The following CFTR variants were observed in gnomAD, a reference collection of about 807,000 sequenced individuals.
CFTR encodes CF transmembrane conductance regulator.
In CFTR, 181 loss-of-function variants were observed where a neutral mutation model predicts 171.6. The ratio of observed to expected loss-of-function variants is 1.05; its 90% CI spans 0.93 to 1.19. CFTR has a LOEUF of 1.19. Among genes scored for constraint, CFTR ranks in the 50% most tolerant of loss-of-function variants. The probability of loss-of-function intolerance (pLI) is 0.00; values close to 1 mark genes in which losing one functional copy is unlikely to be tolerated. For synonymous variants in CFTR, 583 were observed against 608.0 expected, an observed-to-expected ratio of 0.96 and a Z score of 0.60; for missense variants, 1,968 against 1,734.7, an observed-to-expected ratio of 1.13 and a Z score of -2.39.
intron 23 of CFTR, among the ~76,000 whole-genome samples, chr7:117,642,843 G>T (rs576835818): frequency 1.3e-5 from 2 of 152,234 alleles, no homozygotes; most frequent in African/African-American, 2.4e-5. Flanking sequence ...TACAGTGGGA[G>T]CCTTGGGCTT....
chr7:117,555,181 A>G (rs1799332182), intron 10 of CFTR, among the ~76,000 whole-genome samples: 1 of 152,172 alleles, frequency 6.6e-6, no homozygotes, highest in Non-Finnish European at 1.5e-5. Context: ...ATATATGTAG[A>G]CACTAGCCTA....
chr7:117,557,722 T>G (rs917239776), intron 10 of CFTR, among the ~76,000 whole-genome samples: 2 of 152,174 alleles, frequency 1.3e-5, no homozygotes, highest in Non-Finnish European at 1.5e-5. Flanking sequence ...AGTTCCATTT[T>G]CAACCTTTAT....
chr7:117,538,132 C>T (rs1052379940), intron 7 of CFTR, among the ~76,000 whole-genome samples: 1 of 152,092 alleles, frequency 6.6e-6, no homozygotes, highest in Non-Finnish European at 1.5e-5. Context: ...AATTGTCACT[C>T]GAAAAGGCTA....
intron 7 of CFTR, 122 bp downstream of exon 7, chr7:117,536,795 T>A: frequency 1.2e-6 from 1 of 857,240 alleles, no homozygotes; most frequent in Non-Finnish European, 1.8e-6. Flanking sequence ...TGATTGCATT[T>A]AAGTTCTGTC....
chr7:117,573,016 T>C (rs1179546317), intron 11 of CFTR, among the ~76,000 whole-genome samples: 1 of 151,786 alleles, frequency 6.6e-6, no homozygotes, highest in African/African-American at 2.4e-5. Context: ...ACAGGACCAT[T>C]AAATGTAACA....
intron 15 of CFTR, among the ~76,000 whole-genome samples, chr7:117,601,145 G>T (rs917479037): frequency 6.6e-6 from 1 of 151,976 alleles, no homozygotes; most frequent in Admixed American, 6.6e-5. Flanking sequence ...AAGAGGAAAT[G>T]TAATAACAAA....
chr7:117,603,481 T>C (rs752703048), intron 16 of CFTR, 51 bp from the exon 17 acceptor site: 1 of 1,610,012 alleles, frequency 6.2e-7, no homozygotes, highest in Admixed American at 1.7e-5. Context: ...GTATTGGAAA[T>C]TCAGTAAGTA....
At chr7:117,625,710 G>T (rs1046555466) in intron 21 of CFTR, among the ~76,000 whole-genome samples, 1 of 152,074 alleles carries the variant, frequency 6.6e-6, no homozygotes, top group African/African-American at 2.4e-5. Context: ...TCAAGAGAGG[G>T]ATACTATTCT....
At chr7:117,515,250 C>T (rs553715705) in intron 3 of CFTR, among the ~76,000 whole-genome samples, 4 of 152,168 alleles carry the variant, frequency 2.6e-5, no homozygotes, top group South Asian at 2.1e-4. Context: ...AATGGTATTG[C>T]GTAGGTTTTC....
At chr7:117,644,136 C>G (rs1457067962) in intron 23 of CFTR, among the ~76,000 whole-genome samples, 3 of 151,566 alleles carry the variant, frequency 2.0e-5, no homozygotes, top group Non-Finnish European at 4.4e-5. Flanking sequence ...TTCAGAGATT[C>G]CTTCAGAAAT....
intron 21 of CFTR, among the ~76,000 whole-genome samples, chr7:117,625,369 A>T (rs1419953075): frequency 6.6e-6 from 1 of 152,182 alleles, no homozygotes. Flanking sequence ...GGTGAGCTTC[A>T]CTAATGGAGA....
At chr7:117,522,377 T>C (rs1366040797) in intron 3 of CFTR, among the ~76,000 whole-genome samples, 3 of 152,204 alleles carry the variant, frequency 2.0e-5, no homozygotes, top group South Asian at 2.1e-4. Flanking sequence ...TGAGGAAAAC[T>C]GTCCAGAGCG....
In CFTR at chr7:117,507,313, C is replaced by T. The variant is rs548135849; in HGVS notation, c.165-1721C>T. 5.3e-5 allele frequency among the ~76,000 whole-genome samples: 8 copies of T among 152,320 alleles called. No individual in the cohort carries two copies. In the South Asian group the frequency reaches 1.2e-3, roughly 24 times the overall value. On this transcript the variant is annotated intron_variant, in intron 2 of 26. Transcript: ENST00000003084. The stretch of plus-strand genomic sequence containing the variant: ...TTCATAGCTAACATTCTCTGCTCTC[C>T]TGGTCTCTCTACTTCACTTTCATTT...
In CFTR at chr7:117,596,715, A is replaced by G. The variant is rs1009802999; in HGVS notation, c.2619+1657A>G. Among the ~76,000 whole-genome samples the G allele has an allele frequency of 3.9e-5, 6 of 152,274 alleles. No homozygotes were observed. The East Asian group carries it at 1.2e-3, about 29-fold the overall frequency. ...TAGCTCAGGGTTTGTGAATGCACCA[A>G]TCAGCACTCTGTATCTAGTTAATCT... is the stretch of plus-strand genomic sequence containing the variant. On this transcript the variant is annotated intron_variant, in intron 15 of 26. Transcript: ENST00000003084.
At position 117,611,717 on chromosome 7, in the gene CFTR, C is replaced by A. The variant is rs121908761; in HGVS notation, c.3276C>A (p.Tyr1092Ter). The change falls in exon 20 of 27, where the codon TAC (tyrosine) becomes TAA (stop). Residue 1092 changes from tyrosine (Y) to a stop codon, truncating the protein, a stop_gained. Transcript: ENST00000003084. LOFTEE classifies it high-confidence loss of function. Reference protein sequence around the residue: ...LNLHTANWFLYLSTLRWFQMR... With the variant: ...LNLHTANWFL The stretch of plus-strand genomic sequence containing the variant: ...TACATACTGCCAACTGGTTCTTGTA[C>A]CTGTCAACACTGCGCTGGTTCCAAA... 19 of 1,613,390 alleles carry A rather than the reference C, an allele frequency of 1.2e-5. No homozygotes were observed. Among genetic ancestry groups the A allele is most frequent in the Non-Finnish European group, 1.4e-5 (17 of 1,179,708 alleles).
At chr7:117,586,234 G>A (rs1371967819) in intron 11 of CFTR, 1 of 152,126 alleles carries the variant, frequency 6.6e-6, no homozygotes, top group Admixed American at 6.6e-5. Flanking sequence ...ATTTAGGCCA[G>A]GTAGAAAGAA....
intron 1 of CFTR, among the ~76,000 whole-genome samples, chr7:117,481,842 A>G (rs1798005183): frequency 1.3e-5 from 2 of 152,346 alleles, no homozygotes; most frequent in African/African-American, 2.4e-5. Context: ...TCAAAGTGGT[A>G]GGCTTTGGAG....
chr7:117,500,212 G>GT (rs770224343), intron 1 of CFTR, among the ~76,000 whole-genome samples: 6 of 146,572 alleles, frequency 4.1e-5, no homozygotes, highest in Non-Finnish European at 7.5e-5. Flanking sequence ...GTTTTTTTTT[G>GT]TATTTCTAAG....
chr7:117,501,901 G>T (rs1430230230), intron 1 of CFTR, among the ~76,000 whole-genome samples: 1 of 151,370 alleles, frequency 6.6e-6, no homozygotes, highest in Non-Finnish European at 1.5e-5. Flanking sequence ...TTGAAAGGTG[G>T]ACTATATTCT....
Sources: allele counts gnomAD v4.1 joint callset (sites outside exome capture counted in the v4.1 genomes callset), GRCh38; gene constraint gnomAD v4.1.1; transcripts MANE v1.5; gene names NCBI Gene and HGNC (gene_info 2026-07-23, HGNC 2026-07-21).